The following SNTG1 variants were observed in gnomAD, a reference collection of about 807,000 sequenced individuals.
SNTG1 encodes the protein gamma-1-syntrophin.
In SNTG1, 39 loss-of-function variants were observed where a neutral mutation model predicts 74.7. The ratio of observed to expected loss-of-function variants is 0.52; its 90% confidence interval spans 0.40 to 0.68. The LOEUF (loss-of-function observed/expected upper bound fraction) is 0.68, where lower values mean the gene tolerates loss of function less well. SNTG1 is among the 30% of genes least tolerant of loss of function. The probability of loss-of-function intolerance (pLI) is 0.00; values close to 1 mark genes in which losing one functional copy is unlikely to be tolerated. For missense variants in SNTG1, 685 were observed against 609.5 expected, an observed-to-expected ratio of 1.12 and a Z score of -1.30; for synonymous variants, 254 against 217.1, an observed-to-expected ratio of 1.17 and a Z score of -1.49.
chr8:50,702,934 T>A (rs577793105), intron 15 of SNTG1, among the ~76,000 whole-genome samples: 13 of 150,144 alleles, frequency 8.7e-5, no homozygotes, highest in East Asian at 3.9e-4. Context: ...CTAAAAGATT[T>A]AAAAAAAAAA....
intron 2 of SNTG1, among the ~76,000 whole-genome samples, chr8:50,326,782 A>T (rs2090767378): frequency 6.6e-6 from 1 of 151,860 alleles, no homozygotes; most frequent in African/African-American, 2.4e-5. Context: ...GGATACTAAT[A>T]TTATTGATTT....
intron 1 of SNTG1, among the ~76,000 whole-genome samples, chr8:50,030,096 C>T (rs547989706): frequency 6.6e-6 from 1 of 152,156 alleles, no homozygotes; most frequent in Admixed American, 6.5e-5. Context: ...TCTCTAATAA[C>T]CAATGATGTT....
chr8:50,148,914 AGTAATGGGATGGCTGGGT>A (rs1439647672), intron 1 of SNTG1, among the ~76,000 whole-genome samples: 1 of 152,226 alleles, frequency 6.6e-6, no homozygotes, highest in Non-Finnish European at 1.5e-5. Context: ...GTATATACCC[AGTAATGGGATGGCTGGGT>A]GAAATGGTAT....
chr8:50,740,499 A>G (rs1462825107), intron 17 of SNTG1, among the ~76,000 whole-genome samples: 1 of 152,000 alleles, frequency 6.6e-6, no homozygotes, highest in African/African-American at 2.4e-5. Flanking sequence ...AACAATGCTG[A>G]CAAGGTTGTA....
At chr8:50,637,382 T>C (rs1269792263) in intron 13 of SNTG1, among the ~76,000 whole-genome samples, 3 of 152,132 alleles carry the variant, frequency 2.0e-5, no homozygotes, top group African/African-American at 7.2e-5. Context: ...TTAATTCAAT[T>C]AGGTAACCTT....
At chr8:50,464,270 A>G (rs1054765668) in intron 8 of SNTG1, among the ~76,000 whole-genome samples, 1 of 152,152 alleles carries the variant, frequency 6.6e-6, no homozygotes, top group Admixed American at 6.5e-5. Flanking sequence ...TTTCTTTTAA[A>G]TTTACAACCT....
At chr8:50,540,024 C>G (rs940214093) in intron 11 of SNTG1, among the ~76,000 whole-genome samples, 5 of 152,068 alleles carry the variant, frequency 3.3e-5, no homozygotes, top group Non-Finnish European at 7.4e-5. Flanking sequence ...CCAGGGGATT[C>G]AGCACTTTTT....
intron 17 of SNTG1, among the ~76,000 whole-genome samples, chr8:50,727,151 A>G (rs544980990): frequency 2.4e-4 from 36 of 152,266 alleles, no homozygotes; most frequent in African/African-American, 8.2e-4. Context: ...GATGACATAG[A>G]GATTCATGAG....
Position 50,508,093 on chromosome 8 carries a change from G to A in SNTG1, c.466+5213G>A, listed in dbSNP as rs114773095. Among the ~76,000 whole-genome samples the A allele has an allele frequency of 1.2e-3, 185 of 150,258 alleles. 1 individual carries two copies. Among genetic ancestry groups the A allele is most frequent in the African/African-American group, 4.4e-3 (174 of 39,804 alleles). ...CTCCCCACTCCCCTCAACAGGCTAC[G>A]GTATGTGATGTTCCCCTTCCTGTGT... On this transcript the variant is annotated intron_variant, in intron 9 of 18. Coordinates refer to ENST00000642720, the MANE Select transcript of SNTG1 (RefSeq NM_018967.5).
At chr8:49,985,159 TTTTG>T (rs1357492396) in intron 1 of SNTG1, among the ~76,000 whole-genome samples, 6 of 152,252 alleles carry the variant, frequency 3.9e-5, no homozygotes, top group East Asian at 3.9e-4. Context: ...CACAATGTTT[TTTTG>T]TTTGTTTGTT....
intron 1 of SNTG1, among the ~76,000 whole-genome samples, chr8:49,980,971 C>T (rs1411454619): frequency 6.6e-6 from 1 of 152,164 alleles, no homozygotes; most frequent in Non-Finnish European, 1.5e-5. Flanking sequence ...ACATTAGTCT[C>T]TTCTCTGTAA....
At chr8:50,653,208 C>G (rs1438216030) in intron 13 of SNTG1, among the ~76,000 whole-genome samples, 1 of 151,890 alleles carries the variant, frequency 6.6e-6, no homozygotes, top group Non-Finnish European at 1.5e-5. Flanking sequence ...CTTTAAAAGT[C>G]CTAGACGATC....
rs2095423842 is a variant in SNTG1 at position 50,701,586 on chromosome 8, C to CTTCTTCT, written c.1039-3013_1039-3012insTCTTCTT. On this transcript the variant is annotated intron_variant, in intron 15 of 18. Transcript: ENST00000642720. ...ATTGTGATATAATACCTTTTTCTTC[C>CTTCTTCT]TCTTCTTCTTCTTCTTCTTCTTCTT... Among the ~76,000 whole-genome samples the CTTCTTCT allele has an allele frequency of 1.1e-3, 162 of 145,294 alleles. 6 individuals are homozygous for CTTCTTCT. The highest frequency in any genetic ancestry group is 3.8e-3 in the African/African-American group (143 of 37,282).
At chr8:50,619,251 T>C (rs1271468518) in intron 13 of SNTG1, among the ~76,000 whole-genome samples, 1 of 152,200 alleles carries the variant, frequency 6.6e-6, no homozygotes, top group Admixed American at 6.5e-5. Flanking sequence ...TTAAGTATGA[T>C]GAATATTTTA....
chr8:50,624,237 T>C (rs2131064612), intron 13 of SNTG1, among the ~76,000 whole-genome samples: 1 of 152,224 alleles, frequency 6.6e-6, no homozygotes, highest in African/African-American at 2.4e-5. Flanking sequence ...CTACTGACAT[T>C]TAATTCTAAT....
chr8:50,379,124 G>C (rs1343297059), intron 2 of SNTG1, among the ~76,000 whole-genome samples: 2 of 152,208 alleles, frequency 1.3e-5, no homozygotes, highest in Non-Finnish European at 2.9e-5. Context: ...CTTCCCTTCT[G>C]TGCTAGTTGG....
intron 2 of SNTG1, among the ~76,000 whole-genome samples, chr8:50,240,506 G>A (rs570644260): frequency 6.6e-6 from 1 of 152,194 alleles, no homozygotes; most frequent in Admixed American, 6.5e-5. Context: ...CTTTTGCTTT[G>A]TGACTTCTTA....
chr8:50,691,744 A>C (rs1479763006), intron 15 of SNTG1, among the ~76,000 whole-genome samples: 1 of 152,078 alleles, frequency 6.6e-6, no homozygotes, highest in Non-Finnish European at 1.5e-5. Context: ...TGCTCTTCTT[A>C]AGGAGTATCT....
chr8:50,149,476 T>C (rs1209846659), intron 1 of SNTG1, among the ~76,000 whole-genome samples: 1 of 152,216 alleles, frequency 6.6e-6, no homozygotes, highest in African/African-American at 2.4e-5. Flanking sequence ...CATGCCTATG[T>C]CCTGAATAGT....
Sources: gnomAD v4.1 joint callset for allele counts (sites outside exome capture counted in the v4.1 genomes callset) on GRCh38, gnomAD v4.1.1 for gene constraint, MANE v1.5 for transcripts, NCBI Gene and HGNC (gene_info 2026-07-23, HGNC 2026-07-21) for gene names.